Variants in NEGR1 observed in about 807,000 individuals in gnomAD.
The protein encoded by NEGR1 is IgLON family member 4.
In NEGR1, 10 loss-of-function variants were observed where a neutral mutation model predicts 40.9. That is an observed-to-expected ratio of 0.24 (90% confidence interval 0.15 to 0.42). The LOEUF (loss-of-function observed/expected upper bound fraction) is 0.42, where lower values mean the gene tolerates loss of function less well. Ranked by LOEUF, NEGR1 falls within the 10% of genes least tolerant of loss-of-function variation. The probability of loss-of-function intolerance (pLI) is 1.00; values close to 1 mark genes in which losing one functional copy is unlikely to be tolerated. For synonymous variants in NEGR1, 185 were observed against 166.8 expected, an observed-to-expected ratio of 1.11 and a Z score of -0.84; for missense variants, 352 against 438.9, an observed-to-expected ratio of 0.80 and a Z score of 1.77.
rs2100244421 is a variant in NEGR1, at chr1:72,100,970, C to T, written c.177-165659G>A. On this transcript the variant is annotated intron_variant, in intron 1 of 6. Transcript: ENST00000357731. Reference sequence around the variant, plus strand: ...CAAGTGAGCTCCAGTGTCTCTTCCTCTTTTGTAAGGACAATAATCCCATCA... The same window carrying T: ...CAAGTGAGCTCCAGTGTCTCTTCCTTTTTTGTAAGGACAATAATCCCATCA... 2.0e-5 allele frequency: 3 copies of T among 152,306 alleles called. No individual in the cohort carries two copies. In the East Asian group the frequency reaches 5.8e-4, roughly 30 times the overall value. 9.4% of individuals were successfully genotyped at this position (152,306 alleles called of 1,614,324 possible).
Position 71,727,685 on chromosome 1 carries a change from A to G in NEGR1, c.536-29546T>C, listed in dbSNP as rs545875504. ...AGTCCTCAGAGTGGAGTGCACTGGTAGGAAAAGCAAGACTTGTGTAGTCTG... is the reference window on the plus strand; with the variant it reads ...AGTCCTCAGAGTGGAGTGCACTGGTGGGAAAAGCAAGACTTGTGTAGTCTG... On this transcript the variant is annotated intron_variant, in intron 3 of 6. Coordinates refer to ENST00000357731, the MANE Select transcript of NEGR1 (RefSeq NM_173808.3). 5.9e-5 allele frequency among the ~76,000 whole-genome samples: 9 copies of G among 152,268 alleles called. No individual in the cohort carries two copies. In the South Asian group the frequency reaches 1.9e-3, roughly 32 times the overall value.
chr1:72,203,745 T>A (rs1000236909), intron 1 of NEGR1, among the ~76,000 whole-genome samples: 1 of 152,034 alleles, frequency 6.6e-6, no homozygotes, highest in African/African-American at 2.4e-5. Flanking sequence ...TCCTCTTATT[T>A]GAAGAAATTT....
chr1:71,556,451 A>C (rs1648254747), intron 6 of NEGR1, among the ~76,000 whole-genome samples: 1 of 151,606 alleles, frequency 6.6e-6, no homozygotes, highest in Admixed American at 6.6e-5. Flanking sequence ...CATTAAGTCA[A>C]ACTGAATGCT....
intron 6 of NEGR1, among the ~76,000 whole-genome samples, chr1:71,426,366 A>G (rs1010904818): frequency 6.6e-6 from 1 of 152,230 alleles, no homozygotes; most frequent in Non-Finnish European, 1.5e-5. Context: ...ATAAATGTAG[A>G]AATAACCTAA....
intron 1 of NEGR1, among the ~76,000 whole-genome samples, chr1:71,943,356 T>A (rs1473336808): frequency 6.6e-6 from 1 of 150,868 alleles, no homozygotes; most frequent in East Asian, 2.0e-4. Flanking sequence ...TACATATATA[T>A]GTATATATAA....
chr1:71,721,676 T>A (rs759178531), intron 3 of NEGR1, among the ~76,000 whole-genome samples: 1 of 152,098 alleles, frequency 6.6e-6, no homozygotes, highest in South Asian at 2.1e-4. Context: ...TAAATACCAG[T>A]AGCAGTCAAC....
chr1:71,841,821 G>C (rs947818359), intron 2 of NEGR1, among the ~76,000 whole-genome samples: 1 of 152,082 alleles, frequency 6.6e-6, no homozygotes, highest in East Asian at 1.9e-4. Context: ...TCTTCCCATA[G>C]ATTACCTGGT....
intron 1 of NEGR1, among the ~76,000 whole-genome samples, chr1:72,191,703 C>A (rs1347219979): frequency 1.3e-5 from 2 of 151,802 alleles, no homozygotes; most frequent in Non-Finnish European, 2.9e-5. Context: ...ATATCAAAGT[C>A]CACCTTTAAA....
intron 6 of NEGR1, among the ~76,000 whole-genome samples, chr1:71,423,735 G>A (rs1646411750): frequency 6.6e-6 from 1 of 151,740 alleles, no homozygotes; most frequent in South Asian, 2.1e-4. Flanking sequence ...TTTGGGCAGG[G>A]CATATAAAGA....
At chr1:71,880,880 A>G (rs2101842894) in intron 2 of NEGR1, among the ~76,000 whole-genome samples, 2 of 152,162 alleles carry the variant, frequency 1.3e-5, no homozygotes, top group South Asian at 4.1e-4. Flanking sequence ...ATGAATATTG[A>G]TTAATATTTA....
intron 3 of NEGR1, among the ~76,000 whole-genome samples, chr1:71,726,777 A>G (rs141396401): frequency 1.4e-3 from 210 of 152,186 alleles, no homozygotes; most frequent in Middle Eastern, 3.4e-3. Flanking sequence ...TGAAGTCCCC[A>G]TCCCATGTTC....
chr1:71,969,633 G>C (rs1426270157), intron 1 of NEGR1, among the ~76,000 whole-genome samples: 1 of 152,196 alleles, frequency 6.6e-6, no homozygotes, highest in Non-Finnish European at 1.5e-5. Flanking sequence ...GGAAAGAAAA[G>C]TCAGTATTCT....
chr1:71,527,880 G>T (rs1231410786), intron 6 of NEGR1, among the ~76,000 whole-genome samples: 1 of 151,356 alleles, frequency 6.6e-6, no homozygotes, highest in Admixed American at 6.6e-5. Context: ...AATATTGGTA[G>T]TAAGTTAATT....
rs552813567 is a variant in NEGR1 at position 72,119,335 on chromosome 1, T to C, written c.176+162984A>G. Among the ~76,000 whole-genome samples the C allele has an allele frequency of 2.0e-5, 3 of 152,056 alleles. No homozygotes were observed. In the South Asian group the frequency reaches 6.2e-4, roughly 32 times the overall value. On this transcript the variant is annotated intron_variant, in intron 1 of 6. Coordinates refer to ENST00000357731, the MANE Select transcript of NEGR1 (RefSeq NM_173808.3). The stretch of plus-strand genomic sequence containing the variant: ...ACTGAGGAATTAGTGATGCTTCCAC[T>C]AGAACACACTGCTTTTTCTTTTGTT...
chr1:71,425,497 G>C (rs1277995080), intron 6 of NEGR1, among the ~76,000 whole-genome samples: 1 of 152,100 alleles, frequency 6.6e-6, no homozygotes. Context: ...ATTCCACTGA[G>C]TTGGAAGGAA....
intron 1 of NEGR1, among the ~76,000 whole-genome samples, chr1:72,199,447 T>C (rs954847854): frequency 1.3e-5 from 2 of 151,928 alleles, no homozygotes; most frequent in Non-Finnish European, 2.9e-5. Context: ...AGTGGAGAAA[T>C]TGAGATTGTA....
chr1:71,711,714 A>G (rs1452305451), intron 3 of NEGR1, among the ~76,000 whole-genome samples: 1 of 152,226 alleles, frequency 6.6e-6, no homozygotes, highest in Non-Finnish European at 1.5e-5. Context: ...GACAATTGCT[A>G]AAAACTGGAA....
At chr1:72,006,231 A>T (rs1646605365) in intron 1 of NEGR1, among the ~76,000 whole-genome samples, 1 of 152,194 alleles carries the variant, frequency 6.6e-6, no homozygotes, top group Admixed American at 6.5e-5. Flanking sequence ...GTCCACTTAC[A>T]TTAGCCTATG....
rs879491116 is a variant in NEGR1 at position 72,007,383 on chromosome 1, TA to T, written c.177-72073del. ...CTGAAAAATACATATATGAAAGAATTAAAAAAAAAAAAAAGGAAGACATTTT... is the reference window on the plus strand; with the variant it reads ...CTGAAAAATACATATATGAAAGAATTAAAAAAAAAAAAAGGAAGACATTTT... On this transcript the variant is annotated intron_variant, in intron 1 of 6. Coordinates refer to ENST00000357731, the MANE Select transcript of NEGR1 (RefSeq NM_173808.3). 5.2e-3 allele frequency among the ~76,000 whole-genome samples: 717 copies of T among 138,836 alleles called. 4 individuals are homozygous for T. Among genetic ancestry groups the T allele is most frequent in the Middle Eastern group, 0.011 (3 of 266 alleles). 91.1% of individuals were successfully genotyped at this position (138,836 alleles called of 152,430 possible).
Sources: gnomAD v4.1 joint callset for allele counts (sites outside exome capture counted in the v4.1 genomes callset) on GRCh38, gnomAD v4.1.1 for gene constraint, MANE v1.5 for transcripts, NCBI Gene and HGNC (gene_info 2026-07-23, HGNC 2026-07-21) for gene names.